Variants in IL12RB2 observed in about 807,000 individuals in gnomAD.
The protein encoded by IL12RB2 is interleukin 12 receptor subunit beta 2, also known as interleukin-12 receptor subunit beta-2.
Under a neutral mutation model 89.4 loss-of-function variants are expected in IL12RB2, and 82 were observed. The ratio of observed to expected loss-of-function variants is 0.92; its 90% CI spans 0.77 to 1.10. The LOEUF (loss-of-function observed/expected upper bound fraction) is 1.10, where lower values mean the gene tolerates loss of function less well. Ranked by LOEUF, IL12RB2 falls within the 50% of genes least tolerant of loss-of-function variation. The pLI, the probability that IL12RB2 is intolerant of heterozygous loss-of-function variation, is 0.00. For missense variants in IL12RB2, 963 were observed against 1,031.9 expected (o/e 0.93, Z 0.92); for synonymous variants, 368 against 370.1 (o/e 0.99, Z 0.07).
intron 14 of IL12RB2, among the ~76,000 whole-genome samples, chr1:67,382,791 A>G (rs1664749144): frequency 6.7e-6 from 1 of 149,768 alleles, no homozygotes; most frequent in African/African-American, 2.5e-5. Context: ...CTGCAGCCTC[A>G]AAATCCTGGG....
At chr1:67,317,767 A>T (rs566048433) in intron 2 of IL12RB2, among the ~76,000 whole-genome samples, 1 of 152,184 alleles carries the variant, frequency 6.6e-6, no homozygotes, top group African/African-American at 2.4e-5. Context: ...CTTTCAATAG[A>T]CATTTGTTGA....
chr1:67,362,458 C>T lies in IL12RB2; in HGVS notation c.1259-5367C>T, dbSNP rs17435495. ...GCGGGCGCCTGTAGTCCCAGCTACT[C>T]GGGAGGCTGAGGCAGGAGAATGGCG... On this transcript the variant is annotated intron_variant, in intron 10 of 16. Coordinates refer to ENST00000674203, the MANE Select transcript of IL12RB2 (RefSeq NM_001374259.2). Among the ~76,000 whole-genome samples, 301 of 147,916 alleles carry T rather than the reference C, an allele frequency of 2.0e-3. 1 individual carries two copies. The highest frequency in any genetic ancestry group is 7.0e-3 in the African/African-American group (281 of 40,250).
intron 9 of IL12RB2, among the ~76,000 whole-genome samples, chr1:67,344,350 T>C (rs1048677890): frequency 1.3e-5 from 2 of 152,220 alleles, no homozygotes; most frequent in African/African-American, 4.8e-5. Flanking sequence ...TGGAGTGCAG[T>C]GGCGTGATCT....
In IL12RB2 at chr1:67,386,667, A is replaced by G. The variant is rs1417560148; in HGVS notation, c.1944A>G (p.Gln648=). 6.2e-7 allele frequency: 1 copy of G among 1,600,624 alleles called. No homozygotes were observed. Among genetic ancestry groups the G allele is most frequent in the Non-Finnish European group, 8.6e-7 (1 of 1,167,736 alleles). Reference sequence around the variant, plus strand: ...TTTTCTCAACGCATTACTTCCAGCAAAAGTGAGTTGGTTACACCTACCAAG... The same window carrying G: ...TTTTCTCAACGCATTACTTCCAGCAGAAGTGAGTTGGTTACACCTACCAAG... The part of the protein sequence containing the change: ...VGIFSTHYFQ[Q]KVFVLLAALR... Residue 648 remains glutamine (Q), a splice_region_variant and synonymous_variant, in exon 15 of 17, where the codon CAA becomes CAG. Coordinates refer to ENST00000674203, the MANE Select transcript of IL12RB2 (RefSeq NM_001374259.2).
At chr1:67,375,160 C>T (rs1198631581) in intron 13 of IL12RB2, among the ~76,000 whole-genome samples, 1 of 151,748 alleles carries the variant, frequency 6.6e-6, no homozygotes, top group South Asian at 2.1e-4. Flanking sequence ...TTTGGGAGGC[C>T]GAGGTGGGCA....
chr1:67,337,477 T>A (rs1658917301), intron 8 of IL12RB2, among the ~76,000 whole-genome samples: 1 of 152,180 alleles, frequency 6.6e-6, no homozygotes, highest in Non-Finnish European at 1.5e-5. Context: ...ACACTCACAC[T>A]TACACATACA....
chr1:67,326,474 GCTGT>G (rs1320897071), intron 4 of IL12RB2, among the ~76,000 whole-genome samples: 54 of 152,256 alleles, frequency 3.5e-4, no homozygotes, highest in Non-Finnish European at 2.9e-5. Context: ...GGGGTGCTAC[GCTGT>G]CTAATTCAGA....
chr1:67,345,126 C>T (rs939189381), intron 9 of IL12RB2, among the ~76,000 whole-genome samples: 5 of 152,064 alleles, frequency 3.3e-5, no homozygotes, highest in Admixed American at 6.6e-5. Flanking sequence ...GCCGAGATCA[C>T]GCCACTGCAC....
At chr1:67,350,827 T>C in intron 9 of IL12RB2, 43 bp from the exon 10 acceptor site, 1 of 1,609,876 alleles carries the variant, frequency 6.2e-7, no homozygotes, top group Non-Finnish European at 8.5e-7. Flanking sequence ...GCATCAGTGA[T>C]CTTGTCTGGG....
Position 67,321,670 on chromosome 1 carries a change from A to G in IL12RB2, c.145A>G (p.Ile49Val), listed in dbSNP as rs139104582. 181 of 1,604,300 alleles carry G rather than the reference A, an allele frequency of 1.1e-4. No individual in the cohort carries two copies. The highest frequency in any genetic ancestry group is 1.4e-4 in the Non-Finnish European group (169 of 1,171,112). ...HVILLGSTVNITCSLKPRQGC... is the reference protein window; with the variant it reads ...HVILLGSTVNVTCSLKPRQGC... ...AATTTTACTTGGATCCACTGTCAAT[A>G]TTACATGCTCTTTGAAGCCCAGACA... Residue 49 changes from isoleucine to valine, a missense_variant, in exon 4 of 17, where the codon ATT becomes GTT. Transcript: ENST00000674203.
chr1:67,325,816 T>C (rs1657206351), intron 4 of IL12RB2, among the ~76,000 whole-genome samples: 1 of 152,166 alleles, frequency 6.6e-6, no homozygotes, highest in Non-Finnish European at 1.5e-5. Context: ...AAAGGAAATA[T>C]GTATCTACAC....
In IL12RB2 at chr1:67,380,040, G is replaced by A. The variant is rs771339755; in HGVS notation, c.1772G>A (p.Arg591Gln). Residue 591 changes from arginine (R) to glutamine (Q), a missense_variant, in exon 14 of 17, where the codon CGA becomes CAA. Arg to Gln is a conservative substitution (Grantham distance 43). Transcript: ENST00000674203. ...CATCCAATAAACAGCCTGCAGCCCC[G>A]AGTGACATATGTCCTGTGGATGACA... is the stretch of plus-strand genomic sequence containing the variant. ...NSHPINSLQPRVTYVLWMTAL... is the reference protein window; with the variant it reads ...NSHPINSLQPQVTYVLWMTAL... 98 of 1,612,802 alleles carry A rather than the reference G, an allele frequency of 6.1e-5. No homozygotes were observed. Among genetic ancestry groups the A allele is most frequent in the Middle Eastern group, 3.3e-4 (2 of 6,084 alleles).
Position 67,396,350 on chromosome 1 carries a change from A to G in IL12RB2, c.*261A>G, listed in dbSNP as rs1224917831. 1.8e-6 allele frequency: 1 copy of G among 562,560 alleles called. No individual in the cohort carries two copies. Among genetic ancestry groups the G allele is most frequent in the African/African-American group, 1.9e-5 (1 of 53,218 alleles). The allele number at this position is 562,560 out of a possible 1,614,324, so 34.8% of individuals were successfully genotyped here. A position where few individuals can be genotyped will look rare whatever the true frequency, so the allele number is the denominator to read the frequency against. On this transcript the variant is annotated 3_prime_UTR_variant, in exon 17 of 17. Transcript: ENST00000674203. ...CCTAGAGACTCCAACTTGAATTCCT[A>G]GTAACTTTCTTGGTATGCTGGCCAG...
chr1:67,362,823 A>G (rs1176185824), intron 10 of IL12RB2, among the ~76,000 whole-genome samples: 1 of 152,102 alleles, frequency 6.6e-6, no homozygotes, highest in Non-Finnish European at 1.5e-5. Flanking sequence ...GGAAAATGAG[A>G]TAGGTCAGAA....
chr1:67,357,166 G>A (rs1661488114), intron 10 of IL12RB2, among the ~76,000 whole-genome samples: 2 of 152,150 alleles, frequency 1.3e-5, no homozygotes, highest in African/African-American at 2.4e-5. Flanking sequence ...AGACCAGCCT[G>A]GCCAACATGG....
intron 15 of IL12RB2, among the ~76,000 whole-genome samples, chr1:67,388,178 T>C (rs1665429125): frequency 6.6e-6 from 1 of 151,960 alleles, no homozygotes; most frequent in Admixed American, 6.6e-5. Flanking sequence ...AAAAAAACAC[T>C]GTGGTCTTTC....
chr1:67,362,577 AAAAAAAAAAAAAAAAG>A (rs1213744721), intron 10 of IL12RB2, among the ~76,000 whole-genome samples: 1 of 148,760 alleles, frequency 6.7e-6, no homozygotes, highest in South Asian at 2.1e-4. Flanking sequence ...CGTCTCAAAA[AAAAAAAAAAAAAAAAG>A]AAAAAGAAAA....
intron 13 of IL12RB2, among the ~76,000 whole-genome samples, chr1:67,375,797 C>T (rs1006257835): frequency 1.3e-5 from 2 of 151,632 alleles, no homozygotes; most frequent in South Asian, 4.2e-4. Flanking sequence ...TCCATATTGC[C>T]ATGTTGCCAT....
chr1:67,378,153 C>T (rs1282886683), intron 13 of IL12RB2, among the ~76,000 whole-genome samples: 2 of 150,616 alleles, frequency 1.3e-5, no homozygotes, highest in East Asian at 2.0e-4. Flanking sequence ...ACAACAAAAA[C>T]CTATTGAAAT....
Sources: gnomAD v4.1 joint callset for allele counts (sites outside exome capture counted in the v4.1 genomes callset) on GRCh38, gnomAD v4.1.1 for gene constraint, MANE v1.5 for transcripts, NCBI Gene and HGNC (gene_info 2026-07-23, HGNC 2026-07-21) for gene names.